CT45A1: variants seen among roughly 807,000 people sequenced by gnomAD.
CT45A1 encodes the protein cancer/testis antigen family 45 member A1, also known as cancer/testis antigen 45-1.
upstream of CT45A1, among the ~76,000 whole-genome samples, chrX:135,711,856 G>C (rs1171814040): frequency 9.0e-6 from 1 of 111,074 alleles, no homozygotes; most frequent in African/African-American, 3.3e-5. Context: ...CAAGGAAGAT[G>C]AATCACTTGA....
intron 1 of CT45A1, among the ~76,000 whole-genome samples, chrX:135,715,249 T>TTA (rs1270126098): frequency 1.3e-5 from 1 of 76,800 alleles, no homozygotes; most frequent in Admixed American, 1.7e-4. Context: ...TATATAATAC[T>TTA]TATATATATA....
At chrX:135,710,810 C>T (rs2087929868), upstream of CT45A1, among the ~76,000 whole-genome samples, 1 of 112,586 alleles carries the variant, frequency 8.9e-6, no homozygotes, top group Admixed American at 9.4e-5. Context: ...ACCCCAATAT[C>T]TTCACATTGT....
intron 1 of CT45A1, among the ~76,000 whole-genome samples, chrX:135,718,076 C>A (rs1322041435): frequency 9.0e-6 from 1 of 111,669 alleles, no homozygotes; most frequent in Admixed American, 9.6e-5. Flanking sequence ...AGGAAACTTG[C>A]CCTTTTTCCT....
chrX:135,710,853 GT>G (rs1369548394), upstream of CT45A1, among the ~76,000 whole-genome samples: 1 of 110,666 alleles, frequency 9.0e-6, no homozygotes, highest in African/African-American at 3.3e-5. Flanking sequence ...CCACATATTT[GT>G]TTTTTTTTCT....
intron 1 of CT45A1, among the ~76,000 whole-genome samples, chrX:135,715,200 TTA>T (rs1171354887): frequency 5.6e-5 from 5 of 89,608 alleles, no homozygotes; most frequent in African/African-American, 1.2e-4. Flanking sequence ...GCCATTACTA[TTA>T]TATATATATA....
chrX:135,712,921 T>C (rs1485640121), upstream of CT45A1, among the ~76,000 whole-genome samples: 1 of 97,957 alleles, frequency 1.0e-5, no homozygotes, highest in Non-Finnish European at 2.0e-5. Context: ...TTTCTTTCTT[T>C]TCTTTTCTTT....
chrX:135,714,037 GGT>G (rs1569518693), intron 1 of CT45A1, among the ~76,000 whole-genome samples: 2 of 107,970 alleles, frequency 1.9e-5, no homozygotes, highest in Non-Finnish European at 3.9e-5. Flanking sequence ...CCTCGGGTGC[GGT>G]GCTGTTTCTT....
At chrX:135,715,524 A>T (rs1474868927) in intron 1 of CT45A1, among the ~76,000 whole-genome samples, 2 of 83,561 alleles carry the variant, frequency 2.4e-5, no homozygotes, top group African/African-American at 9.4e-5. Flanking sequence ...TAATACTTAT[A>T]GGTATATAAT....
rs2087970806 is a variant in CT45A1 at position 135,715,269 on chromosome X, T to C, written c.-7+1579T>C. ...AATACTTATATATATATAATACTTATATATATATAATACTTATATATATAA... is the reference window on the plus strand; with the variant it reads ...AATACTTATATATATATAATACTTACATATATATAATACTTATATATATAA... On this transcript the variant is annotated intron_variant, in intron 1 of 4. Transcript: ENST00000594565. Among the ~76,000 whole-genome samples, 2 of 79,497 alleles carry C rather than the reference T, an allele frequency of 2.5e-5. 1 individual carries two copies. The highest frequency in any genetic ancestry group is 1.1e-3 in the South Asian group (2 of 1,873). 69.0% of individuals were successfully genotyped at this position (79,497 alleles called of 115,157 possible). A position where few individuals can be genotyped will look rare whatever the true frequency, so the allele number is the denominator to read the frequency against.
intron 1 of CT45A1, among the ~76,000 whole-genome samples, chrX:135,717,484 G>A (rs1315245862): frequency 2.7e-5 from 3 of 110,848 alleles, no homozygotes; most frequent in African/African-American, 9.9e-5. Flanking sequence ...AGGAGGTGGA[G>A]GTTGCAGTGA....
At chrX:135,709,698 C>T (rs1189331320), upstream of CT45A1, among the ~76,000 whole-genome samples, 1 of 111,384 alleles carries the variant, frequency 9.0e-6, no homozygotes, top group Non-Finnish European at 1.9e-5. Flanking sequence ...ACCATTGACT[C>T]TGAGGACTCC....
At chrX:135,713,777 G>C (rs1199434868) in intron 1 of CT45A1, 87 bp downstream of exon 1, 11 of 623,165 alleles carry the variant, frequency 1.8e-5, no homozygotes, top group East Asian at 1.7e-4. Flanking sequence ...CTCAGAAAGA[G>C]TCTTTTCTGT....
At chrX:135,718,427 T>A (rs1181932155) in intron 1 of CT45A1, among the ~76,000 whole-genome samples, 1 of 110,809 alleles carries the variant, frequency 9.0e-6, no homozygotes, top group Non-Finnish European at 1.9e-5. Context: ...TGTATCAATC[T>A]TCTAATAAGA....
At chrX:135,711,851 A>C (rs1404578294), upstream of CT45A1, among the ~76,000 whole-genome samples, 1 of 111,261 alleles carries the variant, frequency 9.0e-6, no homozygotes, top group Non-Finnish European at 1.9e-5. Context: ...GAGGCCAAGG[A>C]AGATGAATCA....
chrX:135,716,251 G>A (rs782112843), intron 1 of CT45A1, among the ~76,000 whole-genome samples: 7 of 111,483 alleles, frequency 6.3e-5, no homozygotes, highest in Non-Finnish European at 1.1e-4. Context: ...TTGAGGAATC[G>A]CCACACTGTC....
At chrX:135,717,486 T>A (rs1454139548) in intron 1 of CT45A1, among the ~76,000 whole-genome samples, 1 of 110,278 alleles carries the variant, frequency 9.1e-6, no homozygotes, top group Admixed American at 9.7e-5. Context: ...GAGGTGGAGG[T>A]TGCAGTGAGC....
chrX:135,717,642 T>G (rs1340807818), intron 1 of CT45A1, among the ~76,000 whole-genome samples: 2 of 112,347 alleles, frequency 1.8e-5, no homozygotes, highest in African/African-American at 6.5e-5. Flanking sequence ...TTATAATTTT[T>G]GTGTAGTGCT....
chrX:135,716,695 T>C (rs1451597115), intron 1 of CT45A1, among the ~76,000 whole-genome samples: 1 of 111,679 alleles, frequency 9.0e-6, no homozygotes, highest in Non-Finnish European at 1.9e-5. Flanking sequence ...TCATTCTTTA[T>C]GGTTAGTGCT....
intron 1 of CT45A1, among the ~76,000 whole-genome samples, chrX:135,714,841 T>A (rs1260309888): frequency 9.2e-6 from 1 of 109,194 alleles, no homozygotes; most frequent in Non-Finnish European, 1.9e-5. Context: ...TATTGTTTTT[T>A]TTTTTTTTTG....
Sources: gnomAD v4.1 joint callset for allele counts (sites outside exome capture counted in the v4.1 genomes callset) on GRCh38, gnomAD v4.1.1 for gene constraint, MANE v1.5 for transcripts, NCBI Gene and HGNC (gene_info 2026-07-23, HGNC 2026-07-21) for gene names.